LRRTM4: variants seen among roughly 807,000 people sequenced by gnomAD.
The protein encoded by LRRTM4 is leucine rich repeat transmembrane neuronal 4, also known as leucine-rich repeat transmembrane neuronal protein 4.
LRRTM4 carries 25 observed loss-of-function variants against 47.6 expected under a neutral mutation model. That is an observed-to-expected ratio of 0.53 (90% CI 0.38 to 0.73). The LOEUF is 0.73. Among genes scored for constraint, LRRTM4 ranks in the 30% least tolerant of loss-of-function variants. The pLI, the probability that LRRTM4 is intolerant of heterozygous loss-of-function variation, is 0.00. For synonymous variants in LRRTM4, 311 were observed against 269.5 expected (o/e 1.15, Z -1.51); for missense variants, 638 against 713.4 (o/e 0.89, Z 1.20).
chr2:77,201,224 T>G (rs538097795), intron 3 of LRRTM4, among the ~76,000 whole-genome samples: 1 of 152,268 alleles, frequency 6.6e-6, no homozygotes, highest in Admixed American at 6.6e-5. Context: ...TAATCTGGAT[T>G]CTTACAGGTT....
chr2:76,826,313 G>T (rs533588837), intron 3 of LRRTM4, among the ~76,000 whole-genome samples: 1 of 151,558 alleles, frequency 6.6e-6, no homozygotes, highest in Non-Finnish European at 1.5e-5. Context: ...TTTAGGGCTA[G>T]GAATGAGAAA....
rs13423047 is a variant in LRRTM4 at position 77,073,915 on chromosome 2, G to T, written c.1552-324999C>A. Among the ~76,000 whole-genome samples, 1,327 of 151,702 alleles carry T rather than the reference G, an allele frequency of 8.7e-3. 23 individuals are homozygous for T. The highest frequency in any genetic ancestry group is 0.031 in the African/African-American group (1,272 of 41,362). On this transcript the variant is annotated intron_variant, in intron 3 of 3. Transcript: ENST00000409884. ...CTAGTCATTCTTTTCTTCAGCTGAG[G>T]GCATTTTATTTAATAAATTTAATTT...
intron 3 of LRRTM4, among the ~76,000 whole-genome samples, chr2:77,106,871 CAGTGATG>C (rs1476939954): frequency 6.6e-5 from 10 of 151,698 alleles, no homozygotes; most frequent in Non-Finnish European, 1.2e-4. Flanking sequence ...TTACTAAATC[CAGTGATG>C]TTGGTCAAGG....
intron 3 of LRRTM4, among the ~76,000 whole-genome samples, chr2:77,128,087 G>A (rs866053799): frequency 2.8e-4 from 42 of 151,422 alleles, no homozygotes; most frequent in African/African-American, 9.9e-4. Flanking sequence ...AGGTTGCAGT[G>A]AGCCAAGATC....
chr2:77,401,966 A>T (rs956513388), intron 3 of LRRTM4, among the ~76,000 whole-genome samples: 17 of 152,158 alleles, frequency 1.1e-4, no homozygotes, highest in Admixed American at 2.0e-4. Flanking sequence ...ACGCTTAGGC[A>T]ATGCTTTAGG....
At chr2:77,318,295 C>T (rs1558686051) in intron 3 of LRRTM4, among the ~76,000 whole-genome samples, 1 of 152,152 alleles carries the variant, frequency 6.6e-6, no homozygotes, top group African/African-American at 2.4e-5. Flanking sequence ...CGTGAGCCAC[C>T]GCGCCCGGCC....
At chr2:77,246,877 T>C (rs1439326733) in intron 3 of LRRTM4, among the ~76,000 whole-genome samples, 1 of 152,162 alleles carries the variant, frequency 6.6e-6, no homozygotes, top group Non-Finnish European at 1.5e-5. Context: ...ATCATTATTT[T>C]TCCATTGTTT....
chr2:77,219,286 G>A (rs1330358449), intron 3 of LRRTM4, among the ~76,000 whole-genome samples: 1 of 152,084 alleles, frequency 6.6e-6, no homozygotes, highest in African/African-American at 2.4e-5. Flanking sequence ...GCACCATCTG[G>A]TTATGTTTGC....
intron 3 of LRRTM4, among the ~76,000 whole-genome samples, chr2:77,321,546 T>A (rs1677788015): frequency 5.1e-5 from 1 of 19,560 alleles, no homozygotes; most frequent in African/African-American, 3.8e-4. Context: ...GTTGGCTAAA[T>A]CGGGGAGGGG....
chr2:77,321,796 A>G (rs529712054), intron 3 of LRRTM4, among the ~76,000 whole-genome samples: 1 of 152,248 alleles, frequency 6.6e-6, no homozygotes, highest in South Asian at 2.1e-4. Context: ...TTGAGATTTC[A>G]AAAATATGGC....
intron 3 of LRRTM4, among the ~76,000 whole-genome samples, chr2:76,759,863 C>G (rs190079990): frequency 2.0e-4 from 31 of 152,212 alleles, no homozygotes; most frequent in Admixed American, 1.6e-3. Context: ...CACGCTGATT[C>G]ACATATGTAA....
rs183248535 is a variant in LRRTM4, at chr2:77,468,828, A to G, written c.1551+49490T>C. ...GGCCATATCCCTAAGTTCCACATGG[A>G]TCCTTTTCCCTTTCTCACATCTGAG... On this transcript the variant is annotated intron_variant, in intron 3 of 3. Coordinates refer to ENST00000409884, the MANE Select transcript of LRRTM4 (RefSeq NM_001134745.3). 2.0e-5 allele frequency among the ~76,000 whole-genome samples: 3 copies of G among 152,288 alleles called. No homozygotes were observed. The East Asian group carries it at 5.8e-4, about 29-fold the overall frequency.
intron 3 of LRRTM4, among the ~76,000 whole-genome samples, chr2:77,345,726 T>G (rs1277289105): frequency 6.6e-6 from 1 of 151,906 alleles, no homozygotes; most frequent in Non-Finnish European, 1.5e-5. Flanking sequence ...AGAGTTACTC[T>G]GAAAACCATT....
intron 3 of LRRTM4, among the ~76,000 whole-genome samples, chr2:76,783,022 A>G (rs1286363696): frequency 6.6e-6 from 1 of 152,304 alleles, no homozygotes; most frequent in East Asian, 1.9e-4. Context: ...ATATATATAT[A>G]AAGCTGAACA....
At chr2:77,347,806 C>G in intron 3 of LRRTM4, among the ~76,000 whole-genome samples, 1 of 151,946 alleles carries the variant, frequency 6.6e-6, no homozygotes, top group East Asian at 1.9e-4. Flanking sequence ...TAGCTCTGGT[C>G]TAAAATATGA....
chr2:76,828,117 C>T (rs1003602187), intron 3 of LRRTM4, among the ~76,000 whole-genome samples: 2 of 151,866 alleles, frequency 1.3e-5, no homozygotes, highest in Non-Finnish European at 2.9e-5. Flanking sequence ...TTCTTTGTTA[C>T]TATCAATTTT....
At chr2:77,321,105 C>T (rs1395948519) in intron 3 of LRRTM4, among the ~76,000 whole-genome samples, 2 of 151,948 alleles carry the variant, frequency 1.3e-5, no homozygotes, top group Non-Finnish European at 1.5e-5. Context: ...TTCAAGTAAA[C>T]TCATAACTTT....
intron 3 of LRRTM4, among the ~76,000 whole-genome samples, chr2:77,439,419 T>C (rs192126651): frequency 1.3e-5 from 2 of 152,202 alleles, no homozygotes; most frequent in African/African-American, 4.8e-5. Context: ...TTATAAAAAA[T>C]TCAAATAGGT....
chr2:76,864,837 C>G (rs1467612577), intron 3 of LRRTM4, among the ~76,000 whole-genome samples: 4 of 124,862 alleles, frequency 3.2e-5, no homozygotes, highest in Non-Finnish European at 6.5e-5. Context: ...AGTGATTCTC[C>G]CATCTCAGCC....
Sources: allele counts gnomAD v4.1 joint callset (sites outside exome capture counted in the v4.1 genomes callset), GRCh38; gene constraint gnomAD v4.1.1; transcripts MANE v1.5; gene names NCBI Gene and HGNC (gene_info 2026-07-23, HGNC 2026-07-21).